The following NLGN1 variants were observed in gnomAD, a reference collection of about 807,000 sequenced individuals.
The protein encoded by NLGN1 is neuroligin-1.
NLGN1 carries 12 observed loss-of-function variants against 65.5 expected under a neutral mutation model. The ratio of observed to expected loss-of-function variants is 0.18; its 90% CI spans 0.12 to 0.30. The LOEUF is 0.30. Among genes scored for constraint, NLGN1 ranks in the 10% least tolerant of loss-of-function variants. NLGN1 has a pLI of 1.00. For missense variants in NLGN1, 750 were observed against 1,007.1 expected (o/e 0.74, Z 3.46); for synonymous variants, 350 against 359.5 (o/e 0.97, Z 0.30).
chr3:173,527,967 A>G (rs1165116307), intron 2 of NLGN1, among the ~76,000 whole-genome samples: 1 of 152,194 alleles, frequency 6.6e-6, no homozygotes, highest in African/African-American at 2.4e-5. Context: ...GTTAATATTG[A>G]TATGCAAGGT....
At chr3:173,661,212 T>C (rs1473337654) in intron 3 of NLGN1, among the ~76,000 whole-genome samples, 2 of 151,950 alleles carry the variant, frequency 1.3e-5, no homozygotes, top group Non-Finnish European at 2.9e-5. Context: ...TTTGTATAGT[T>C]TCTCTAGGAT....
At chr3:174,273,298 C>G (rs1749834023) in intron 4 of NLGN1, among the ~76,000 whole-genome samples, 1 of 151,666 alleles carries the variant, frequency 6.6e-6, no homozygotes, top group East Asian at 1.9e-4. Flanking sequence ...TTCACTCTCT[C>G]TCTCTCTCAC....
At chr3:173,695,687 G>C (rs923350653) in intron 3 of NLGN1, 9 of 183,028 alleles carry the variant, frequency 4.9e-5, no homozygotes, top group African/African-American at 9.4e-5. Flanking sequence ...TGCCAAACCA[G>C]TAATGTAAGA....
At chr3:173,734,380 T>A (rs556736446) in intron 3 of NLGN1, among the ~76,000 whole-genome samples, 20 of 108,018 alleles carry the variant, frequency 1.9e-4, no homozygotes, top group African/African-American at 5.8e-4. Flanking sequence ...TGGATAATTC[T>A]ATTTTTTTTT....
Position 174,280,765 on chromosome 3 carries a change from C to G in NLGN1, c.1934C>G (p.Pro645Arg). 6.2e-7 allele frequency: 1 copy of G among 1,613,328 alleles called. No homozygotes were observed. Among genetic ancestry groups the G allele is most frequent in the Non-Finnish European group, 8.5e-7 (1 of 1,179,558 alleles). The change falls in exon 7 of 7, where the codon CCT (proline) becomes CGT (arginine). Residue 645 changes from proline to arginine, a missense_variant. Transcript: ENST00000457714. This position sits in a 1 kb window ranked among gnomAD's most constrained non-coding sequence, Gnocchi z 4.9. ...AGACCTACGAGAAAAAATTCTGTAC[C>G]TGTCACGTCAGCCTTTCCCACTGCC...
At chr3:173,841,026 A>G (rs1724667497) in intron 4 of NLGN1, among the ~76,000 whole-genome samples, 2 of 152,210 alleles carry the variant, frequency 1.3e-5, no homozygotes, top group South Asian at 4.1e-4. Context: ...CTGTGACCAT[A>G]GAAGCTCCTA....
intron 4 of NLGN1, among the ~76,000 whole-genome samples, chr3:173,935,728 G>C (rs957065155): frequency 2.0e-5 from 3 of 151,670 alleles, no homozygotes; most frequent in African/African-American, 7.3e-5. Flanking sequence ...ATTTTGGATA[G>C]ACTAGTGTGT....
chr3:173,530,020 C>T lies in NLGN1; in HGVS notation c.-320-74259C>T, dbSNP rs377042095. Reference sequence around the variant, plus strand: ...TCACCCAGGCTGGAGTGCAGTGGCGCGATCTCAGCTTACTGCAACCCCCGC... The same window carrying T: ...TCACCCAGGCTGGAGTGCAGTGGCGTGATCTCAGCTTACTGCAACCCCCGC... On this transcript the variant is annotated intron_variant, in intron 2 of 6. Coordinates refer to ENST00000457714, the Ensembl canonical transcript of NLGN1. Among the ~76,000 whole-genome samples, 124 of 151,104 alleles carry T rather than the reference C, an allele frequency of 8.2e-4. 1 individual carries two copies. In the East Asian group the frequency reaches 0.01, roughly 13 times the overall value.
At chr3:173,491,625 A>G (rs1341258592) in intron 2 of NLGN1, among the ~76,000 whole-genome samples, 2 of 151,352 alleles carry the variant, frequency 1.3e-5, no homozygotes, top group Non-Finnish European at 2.9e-5. Flanking sequence ...CTTACTTCTT[A>G]ATTAATATTT....
intron 4 of NLGN1, among the ~76,000 whole-genome samples, chr3:174,140,381 T>C (rs1722060137): frequency 6.6e-6 from 1 of 152,184 alleles, no homozygotes; most frequent in African/African-American, 2.4e-5. Flanking sequence ...TTCTTAAAGT[T>C]TCATAGTTTG....
chr3:173,801,447 A>G (rs1308637149), intron 3 of NLGN1, among the ~76,000 whole-genome samples: 1 of 152,054 alleles, frequency 6.6e-6, no homozygotes, highest in Non-Finnish European at 1.5e-5. Context: ...CCAAAATAAA[A>G]TAATCTACAA....
chr3:173,400,174 A>G (rs555059641), intron 1 of NLGN1, among the ~76,000 whole-genome samples: 3 of 152,332 alleles, frequency 2.0e-5, no homozygotes, highest in South Asian at 4.1e-4. Flanking sequence ...TGGATTGTCA[A>G]TAGGAAGATA....
At chr3:173,537,041 C>T (rs1737549489) in intron 2 of NLGN1, among the ~76,000 whole-genome samples, 1 of 152,128 alleles carries the variant, frequency 6.6e-6, no homozygotes. Flanking sequence ...TCTCTTCGGG[C>T]CTACAGTGGA....
intron 4 of NLGN1, among the ~76,000 whole-genome samples, chr3:173,993,468 G>A (rs985578206): frequency 6.6e-6 from 1 of 152,162 alleles, no homozygotes; most frequent in Non-Finnish European, 1.5e-5. Flanking sequence ...ATGGCATGAA[G>A]TAAATAGAGC....
At chr3:174,225,566 C>T (rs1033245655) in intron 4 of NLGN1, among the ~76,000 whole-genome samples, 1 of 152,110 alleles carries the variant, frequency 6.6e-6, no homozygotes, top group African/African-American at 2.4e-5. Flanking sequence ...CCCATCTCTA[C>T]TAAAAATACA....
intron 4 of NLGN1, among the ~76,000 whole-genome samples, chr3:173,836,291 G>A (rs1434272801): frequency 1.3e-5 from 2 of 151,964 alleles, no homozygotes; most frequent in East Asian, 3.9e-4. Flanking sequence ...TTATAACATT[G>A]TTATAAAACA....
chr3:174,250,902 T>C (rs1291221308), intron 4 of NLGN1, among the ~76,000 whole-genome samples: 1 of 152,096 alleles, frequency 6.6e-6, no homozygotes, highest in African/African-American at 2.4e-5. Context: ...AAAAAGCCTT[T>C]TTTGTTTTGT....
intron 4 of NLGN1, among the ~76,000 whole-genome samples, chr3:174,162,839 GA>G (rs1042461527): frequency 6.0e-5 from 9 of 150,780 alleles, no homozygotes; most frequent in Non-Finnish European, 1.2e-4. Context: ...TGAGAGAAAA[GA>G]AAAAAAATCG....
chr3:174,246,884 GCTGGTTCA>G (rs1316749422), intron 4 of NLGN1, among the ~76,000 whole-genome samples: 1 of 152,144 alleles, frequency 6.6e-6, no homozygotes, highest in East Asian at 1.9e-4. Flanking sequence ...AGAAAGCATA[GCTGGTTCA>G]CTCTAGGAAT....
Sources: gnomAD v4.1 joint callset for allele counts (sites outside exome capture counted in the v4.1 genomes callset) on GRCh38, gnomAD v4.1.1 for gene constraint, Gnocchi (gnomAD v3.1) non-coding constraint, MANE v1.5 for transcripts, NCBI Gene and HGNC (gene_info 2026-07-23, HGNC 2026-07-21) for gene names.